Variants in RARB observed in about 807,000 individuals in gnomAD.
RARB encodes the protein HBV-activated protein.
Under a neutral mutation model 51.9 loss-of-function variants are expected in RARB, and 17 were observed. That is an observed-to-expected ratio of 0.33 (90% CI 0.22 to 0.49). The LOEUF (loss-of-function observed/expected upper bound fraction) is 0.49. Ranked by LOEUF, RARB falls within the 20% of genes least tolerant of loss-of-function variation. The probability of loss-of-function intolerance (pLI) is 0.99; values close to 1 mark genes in which losing one functional copy is unlikely to be tolerated. For missense variants in RARB, 369 were observed against 550.8 expected (o/e 0.67, Z 3.30); for synonymous variants, 215 against 195.4 (o/e 1.10, Z -0.84).
At chr3:25,185,181 A>G (rs1227673462) in intron 5 of RARB, among the ~76,000 whole-genome samples, 1 of 152,130 alleles carries the variant, frequency 6.6e-6, no homozygotes, top group Non-Finnish European at 1.5e-5. Flanking sequence ...TCTCAAGGGG[A>G]CAATCCTAAG....
intron 3 of RARB, among the ~76,000 whole-genome samples, chr3:25,094,786 A>G (rs1005572284): frequency 6.6e-5 from 10 of 150,378 alleles, no homozygotes; most frequent in African/African-American, 2.4e-4. Context: ...AGGTCACAGG[A>G]CTACTCAGAA....
At chr3:25,544,949 T>G (rs1699556925) in intron 3 of RARB, among the ~76,000 whole-genome samples, 1 of 148,648 alleles carries the variant, frequency 6.7e-6, no homozygotes, top group East Asian at 1.9e-4. Context: ...CTGTACATTT[T>G]GTTGTTGTTG....
chr3:25,200,952 A>G (rs1445889001), intron 5 of RARB, among the ~76,000 whole-genome samples: 1 of 152,178 alleles, frequency 6.6e-6, no homozygotes, highest in African/African-American at 2.4e-5. Context: ...TATGAAGTGT[A>G]AAGTAGTTTT....
intron 5 of RARB, among the ~76,000 whole-genome samples, chr3:25,348,654 A>G (rs750920408): frequency 6.6e-6 from 1 of 152,228 alleles, no homozygotes; most frequent in Non-Finnish European, 1.5e-5. Flanking sequence ...TACAGAGCAG[A>G]TAAGAACACA....
intron 2 of RARB, among the ~76,000 whole-genome samples, chr3:24,927,299 T>C (rs189865765): frequency 1.3e-5 from 2 of 152,252 alleles, no homozygotes; most frequent in Admixed American, 6.5e-5. Context: ...ATGGCTTAAT[T>C]TGTTCTGAGT....
Position 25,522,901 on chromosome 3 carries a change from G to C in RARB, c.448+21578G>C, listed in dbSNP as rs577290188. Among the ~76,000 whole-genome samples the C allele has an allele frequency of 1.1e-3, 164 of 152,254 alleles. 1 individual carries two copies. The highest frequency in any genetic ancestry group is 3.8e-3 in the African/African-American group (159 of 41,548). On this transcript the variant is annotated intron_variant, in intron 3 of 7. Transcript: ENST00000330688. ...GCTGGTTGGTCTCCAGTAGACACTG[G>C]GTGAGGGACAAATGGACACCTGATT...
chr3:25,467,354 G>A (rs537181649), intron 2 of RARB, among the ~76,000 whole-genome samples: 140 of 152,326 alleles, frequency 9.2e-4, no homozygotes, highest in South Asian at 1.4e-3. Flanking sequence ...CTTGGCTTGG[G>A]CCAGGTGGTC....
chr3:25,107,052 C>A (rs1699520545), intron 3 of RARB, among the ~76,000 whole-genome samples: 1 of 152,060 alleles, frequency 6.6e-6, no homozygotes, highest in Admixed American at 6.5e-5. Context: ...AGGTAAGCAC[C>A]ACTATACCCA....
intron 5 of RARB, among the ~76,000 whole-genome samples, chr3:25,390,723 A>T (rs1023529766): frequency 6.6e-6 from 1 of 152,064 alleles, no homozygotes; most frequent in Non-Finnish European, 1.5e-5. Context: ...AACAGTTAAA[A>T]ATTACTCTTT....
chr3:25,209,635 G>C (rs1163837495), intron 5 of RARB, among the ~76,000 whole-genome samples: 3 of 152,068 alleles, frequency 2.0e-5, no homozygotes, highest in Non-Finnish European at 4.4e-5. Context: ...GCTTCTGCTG[G>C]GTGCAACATG....
chr3:25,077,507 T>G (rs1262548809), intron 3 of RARB, among the ~76,000 whole-genome samples: 1 of 152,182 alleles, frequency 6.6e-6, no homozygotes, highest in Non-Finnish European at 1.5e-5. Flanking sequence ...TCCATGTCGT[T>G]GTATGTTTTA....
intron 5 of RARB, among the ~76,000 whole-genome samples, chr3:25,181,780 T>A (rs1189716189): frequency 6.6e-6 from 1 of 152,204 alleles, no homozygotes; most frequent in Non-Finnish European, 1.5e-5. Flanking sequence ...AGTAGTAGGT[T>A]GATCTTTGTT....
At chr3:25,085,804 T>C (rs965247553) in intron 3 of RARB, among the ~76,000 whole-genome samples, 4 of 152,140 alleles carry the variant, frequency 2.6e-5, no homozygotes, top group Non-Finnish European at 5.9e-5. Context: ...TCTATTGAAA[T>C]AATCTAAACT....
At chr3:25,059,753 T>C (rs1015346799) in intron 2 of RARB, among the ~76,000 whole-genome samples, 5 of 151,246 alleles carry the variant, frequency 3.3e-5, no homozygotes, top group Non-Finnish European at 5.9e-5. Context: ...ACCTCCTATT[T>C]AAAAAAAAGC....
intron 3 of RARB, among the ~76,000 whole-genome samples, chr3:25,523,695 G>A (rs1192552061): frequency 2.0e-5 from 3 of 152,250 alleles, no homozygotes; most frequent in Admixed American, 6.5e-5. Flanking sequence ...AAGGCTTAAC[G>A]AATGTTTTTT....
At chr3:25,129,340 C>A (rs1224118541) in intron 3 of RARB, among the ~76,000 whole-genome samples, 1 of 152,006 alleles carries the variant, frequency 6.6e-6, no homozygotes, top group Non-Finnish European at 1.5e-5. Flanking sequence ...GCATCAGTTA[C>A]AATTACAGTA....
intron 5 of RARB, among the ~76,000 whole-genome samples, chr3:25,290,640 G>A (rs1291610644): frequency 7.9e-5 from 12 of 152,170 alleles, no homozygotes; most frequent in Admixed American, 7.9e-4. Context: ...GTGGGTACAT[G>A]GTAAAAAAGG....
At chr3:25,008,550 T>C (rs1697324301) in intron 2 of RARB, among the ~76,000 whole-genome samples, 1 of 152,104 alleles carries the variant, frequency 6.6e-6, no homozygotes, top group Admixed American at 6.6e-5. Context: ...ACAGGGAAAT[T>C]GGTGTGAAAT....
At chr3:25,253,298 T>TACATAACCA (rs1702776043) in intron 5 of RARB, among the ~76,000 whole-genome samples, 1 of 152,182 alleles carries the variant, frequency 6.6e-6, no homozygotes, top group Non-Finnish European at 1.5e-5. Flanking sequence ...ATCCGTATTT[T>TACATAACCA]GCCTATCTTA....
Sources: gnomAD v4.1 joint callset for allele counts (sites outside exome capture counted in the v4.1 genomes callset) on GRCh38, gnomAD v4.1.1 for gene constraint, MANE v1.5 for transcripts, NCBI Gene and HGNC (gene_info 2026-07-23, HGNC 2026-07-21) for gene names.